The following CNTN4 variants were observed in gnomAD, a reference collection of about 807,000 sequenced individuals.
The protein encoded by CNTN4 is contactin 4.
A neutral mutation model predicts 122.5 loss-of-function variants in CNTN4; 77 were observed. That is an observed-to-expected ratio of 0.63 (90% CI 0.52 to 0.76). The LOEUF is 0.76. CNTN4 is among the 30% of genes least tolerant of loss of function. CNTN4 has a pLI of 0.00. For missense variants in CNTN4, 1,256 were observed against 1,259.1 expected (o/e 1.00, Z 0.04); for synonymous variants, 512 against 447.0 (o/e 1.15, Z -1.83).
chr3:2,572,931 T>C (rs143925922), intron 4 of CNTN4, among the ~76,000 whole-genome samples: 101 of 152,332 alleles, frequency 6.6e-4, no homozygotes, highest in African/African-American at 2.4e-3. Context: ...GGCAATATGC[T>C]AAGCACGTGG....
intron 2 of CNTN4, among the ~76,000 whole-genome samples, chr3:2,299,641 A>G (rs374462414): frequency 9.9e-5 from 15 of 152,118 alleles, no homozygotes; most frequent in Admixed American, 7.2e-4. Flanking sequence ...ATTCATAATG[A>G]TCATAAAAAT....
chr3:2,572,578 T>G (rs17016871), intron 4 of CNTN4, among the ~76,000 whole-genome samples: 4,999 of 152,182 alleles, frequency 0.033, 301 homozygotes, highest in African/African-American at 0.12. Context: ...TTGAAATTAG[T>G]CTAGTTGACT....
intron 3 of CNTN4, among the ~76,000 whole-genome samples, chr3:2,386,650 A>G (rs6777814): frequency 0.022 from 3,341 of 152,276 alleles, 120 homozygotes; most frequent in African/African-American, 0.076. Flanking sequence ...TTGCAAAGCA[A>G]TTTCTGTTTG....
intron 2 of CNTN4, among the ~76,000 whole-genome samples, chr3:2,217,354 A>G (rs2038888603): frequency 6.6e-6 from 1 of 152,196 alleles, no homozygotes; most frequent in Admixed American, 6.5e-5. Context: ...GTCTAGTTCC[A>G]GGATGAGTTA....
chr3:3,032,311 T>G, intron 16 of CNTN4, among the ~76,000 whole-genome samples: 1 of 152,222 alleles, frequency 6.6e-6, no homozygotes, highest in Admixed American at 6.5e-5. Flanking sequence ...AATGTTCAGA[T>G]CAGCAGTTAA....
At chr3:2,758,282 GAATA>G (rs1407350948) in intron 6 of CNTN4, among the ~76,000 whole-genome samples, 1 of 152,104 alleles carries the variant, frequency 6.6e-6, no homozygotes, top group African/African-American at 2.4e-5. Context: ...AATATTTGTG[GAATA>G]AATGAAGCTG....
chr3:2,550,134 C>T (rs1315954620), intron 3 of CNTN4, among the ~76,000 whole-genome samples: 1 of 152,038 alleles, frequency 6.6e-6, no homozygotes, highest in Non-Finnish European at 1.5e-5. Flanking sequence ...TTTTGTCAAT[C>T]TTTTCAAAAA....
At chr3:2,758,957 C>G (rs2090463317) in intron 6 of CNTN4, among the ~76,000 whole-genome samples, 1 of 152,132 alleles carries the variant, frequency 6.6e-6, no homozygotes, top group South Asian at 2.1e-4. Flanking sequence ...TTTCATCCCC[C>G]TAAAGATAAA....
At position 2,156,799 on chromosome 3, in the gene CNTN4, ATG is replaced by A. The variant is rs577452503; in HGVS notation, c.-145+56164_-145+56165del. On this transcript the variant is annotated intron_variant, in intron 2 of 24. Coordinates refer to ENST00000418658, the MANE Select transcript of CNTN4 (RefSeq NM_175607.3). ...TTGAAAGATACCATGAAGAAGGATGATGTGTATTAAGAGACCATGATCCGATC... is the reference window on the plus strand; with the variant it reads ...TTGAAAGATACCATGAAGAAGGATGATGTATTAAGAGACCATGATCCGATC... Among the ~76,000 whole-genome samples the A allele has an allele frequency of 1.2e-4, 18 of 152,076 alleles. No individual in the cohort carries two copies. In the South Asian group the frequency reaches 2.5e-3, roughly 21 times the overall value.
At chr3:2,722,222 A>G (rs1278073960) in intron 4 of CNTN4, among the ~76,000 whole-genome samples, 1 of 152,160 alleles carries the variant, frequency 6.6e-6, no homozygotes, top group Non-Finnish European at 1.5e-5. Flanking sequence ...CCTTTCAACA[A>G]GCTATGTAAA....
At chr3:2,627,944 G>T (rs936192599) in intron 4 of CNTN4, among the ~76,000 whole-genome samples, 2 of 152,204 alleles carry the variant, frequency 1.3e-5, no homozygotes, top group Non-Finnish European at 2.9e-5. Context: ...CACAAAAGTT[G>T]TAGTTACCAA....
intron 3 of CNTN4, among the ~76,000 whole-genome samples, chr3:2,435,054 A>G (rs1011493437): frequency 3.3e-5 from 5 of 152,202 alleles, no homozygotes; most frequent in African/African-American, 1.2e-4. Flanking sequence ...TGTGAAGCAG[A>G]GAGTTGAGCC....
At chr3:2,572,896 T>C (rs1449530289) in intron 4 of CNTN4, among the ~76,000 whole-genome samples, 1 of 152,220 alleles carries the variant, frequency 6.6e-6, no homozygotes, top group African/African-American at 2.4e-5. Context: ...AGTACTGACA[T>C]GTATAGATCA....
chr3:2,779,875 G>A (rs1395518789), intron 6 of CNTN4, among the ~76,000 whole-genome samples: 2 of 152,166 alleles, frequency 1.3e-5, no homozygotes, highest in Non-Finnish European at 2.9e-5. Context: ...ATAGAGTAGA[G>A]TAGCAATACG....
intron 3 of CNTN4, among the ~76,000 whole-genome samples, chr3:2,339,749 A>G (rs1290383752): frequency 6.7e-6 from 1 of 148,884 alleles, no homozygotes; most frequent in African/African-American, 2.4e-5. Context: ...TAAAACAGTA[A>G]AATGGTTATG....
At position 2,270,287 on chromosome 3, in the gene CNTN4, C is replaced by T. The variant is rs556984130; in HGVS notation, c.-144-68891C>T. Among the ~76,000 whole-genome samples the T allele has an allele frequency of 4.6e-5, 7 of 151,984 alleles. No homozygotes were observed. In the East Asian group the frequency reaches 5.8e-4, roughly 13 times the overall value. On this transcript the variant is annotated intron_variant, in intron 2 of 24. Transcript: ENST00000418658. ...ACTTTAACTTTTATTTTAGGTTCAA[C>T]GACATATATACAGGTTTGTTATATA...
At chr3:2,281,584 C>T (rs1228800628) in intron 2 of CNTN4, among the ~76,000 whole-genome samples, 3 of 152,032 alleles carry the variant, frequency 2.0e-5, no homozygotes, top group East Asian at 1.9e-4. Context: ...CCTGTCATGC[C>T]TGGCAATGTC....
intron 2 of CNTN4, among the ~76,000 whole-genome samples, chr3:2,229,128 G>A (rs7613221): frequency 0.39 from 58,666 of 151,996 alleles, 12,155 homozygotes; most frequent in African/African-American, 0.54. Context: ...AAAATAAGTT[G>A]GCTAAGATGA....
In CNTN4 at chr3:2,785,131, A is replaced by ACC. The variant is rs1219915614; in HGVS notation, c.359-34354_359-34353insCC. ...TACATGCGTACACACACACACACACACACACACATATATATAGAGAGAGAG... is the reference window on the plus strand; with the variant it reads ...TACATGCGTACACACACACACACACACCCACACACATATATATAGAGAGAGAG... On this transcript the variant is annotated intron_variant, in intron 6 of 24. Coordinates refer to ENST00000418658, the MANE Select transcript of CNTN4 (RefSeq NM_175607.3). Among the ~76,000 whole-genome samples the ACC allele has an allele frequency of 1.8e-4, 21 of 118,936 alleles. No homozygotes were observed. The South Asian group carries it at 6.1e-3, about 34-fold the overall frequency. 78.0% of individuals were successfully genotyped at this position (118,936 alleles called of 152,430 possible). A position where few individuals can be genotyped will look rare whatever the true frequency, so the allele number is the denominator to read the frequency against.
Sources: allele counts gnomAD v4.1 joint callset (sites outside exome capture counted in the v4.1 genomes callset), GRCh38; gene constraint gnomAD v4.1.1; transcripts MANE v1.5; gene names NCBI Gene and HGNC (gene_info 2026-07-23, HGNC 2026-07-21).